TBC1D24: variants seen among roughly 807,000 people sequenced by gnomAD.
The protein encoded by TBC1D24 is Infantile myoclonic epilepsy.
Under a neutral mutation model 50.7 loss-of-function variants are expected in TBC1D24, and 47 were observed. That is an observed-to-expected ratio of 0.93 (90% CI 0.73 to 1.18). The LOEUF (loss-of-function observed/expected upper bound fraction) is 1.18. Among genes scored for constraint, TBC1D24 ranks in the 50% most tolerant of loss-of-function variants. The pLI is 0.00. For synonymous variants in TBC1D24, 324 were observed against 335.2 expected, an observed-to-expected ratio of 0.97 and a Z score of 0.36; for missense variants, 688 against 766.5, an observed-to-expected ratio of 0.90 and a Z score of 1.21.
At position 2,496,472 on chromosome 16, in the gene TBC1D24, A is replaced by C; in HGVS notation, c.324A>C (p.Ala108=). Residue 108 remains alanine (A), a synonymous_variant, in exon 2 of 8, where the codon GCA becomes GCC. Transcript: ENST00000646147. The part of the protein sequence containing the change: ...NTQVPSYCLN[A]RGEGAVRKIL... ...AGGTGCCCAGCTACTGCCTGAATGC[A>C]CGCGGCGAGGGGGCCGTGCGCAAGA... 1 of 1,611,374 alleles carries C rather than the reference A, an allele frequency of 6.2e-7. No homozygotes were observed. The highest frequency in any genetic ancestry group is 8.5e-7 in the Non-Finnish European group (1 of 1,179,912).
chr16:2,499,619 GC>G lies in TBC1D24; in HGVS notation c.1206+204del, dbSNP rs1407484387. 6.6e-6 allele frequency among the ~76,000 whole-genome samples: 1 copy of G among 152,056 alleles called. No homozygotes were observed. Among genetic ancestry groups the G allele is most frequent in the Non-Finnish European group, 1.5e-5 (1 of 67,982 alleles). ...GGGAAATGAGACTATCCCCAACACA[GC>G]CCCCGCCCACCCTCATTGCCAGCCC... On this transcript the variant is annotated intron_variant, in intron 5 of 7. Transcript: ENST00000646147. This position sits in a 1 kb window ranked among gnomAD's most constrained non-coding sequence, Gnocchi z 4.0.
chr16:2,488,476 T>C (rs2065668351), intron 1 of TBC1D24, among the ~76,000 whole-genome samples: 1 of 150,968 alleles, frequency 6.6e-6, no homozygotes, highest in Non-Finnish European at 1.5e-5. Context: ...TTATACTCAT[T>C]ACTCATTCGC....
At chr16:2,492,264 C>G (rs1022860764) in intron 1 of TBC1D24, among the ~76,000 whole-genome samples, 15 of 152,046 alleles carry the variant, frequency 9.9e-5, no homozygotes, top group Non-Finnish European at 2.2e-4. Flanking sequence ...TCCCTCGGGT[C>G]TTTTGCACAC....
chr16:2,497,163 G>A (rs1357373919), intron 2 of TBC1D24, 50 bp downstream of exon 2: 6 of 1,597,130 alleles, frequency 3.8e-6, no homozygotes, highest in East Asian at 2.2e-5. Flanking sequence ...GGGGGCTGGG[G>A]CAGGACGTGT....
rs990708317 is a variant in TBC1D24 at position 2,501,049 on chromosome 16, T to C, written c.*91T>C. On this transcript the variant is annotated 3_prime_UTR_variant, in exon 8 of 8. Coordinates refer to ENST00000646147, the MANE Select transcript of TBC1D24 (RefSeq NM_001199107.2). The stretch of plus-strand genomic sequence containing the variant: ...CAGCAGAGAGCAGATGAAACCCCCA[T>C]GTGGTAGGCAGGGTTGGGGGACGGC... 7.2e-6 allele frequency: 11 copies of C among 1,532,320 alleles called. No individual in the cohort carries two copies. Among genetic ancestry groups the C allele is most frequent in the African/African-American group, 1.4e-5 (1 of 73,636 alleles). The allele number at this position is 1,532,320 out of a possible 1,614,324, so 94.9% of individuals were successfully genotyped here. A position where few individuals can be genotyped will look rare whatever the true frequency, so the allele number is the denominator to read the frequency against.
rs1333624924 is a variant in TBC1D24, at chr16:2,500,489, C to T, written c.1524C>T (p.Val508=). The T allele has an allele frequency of 1.9e-6, 3 of 1,559,362 alleles. No individual in the cohort carries two copies. Among genetic ancestry groups the T allele is most frequent in the African/African-American group, 2.7e-5 (2 of 73,584 alleles). ...CGGGGGGCAGCGACTGCCTCATCGTCGGTGAGCGCCAGCAGACGGGGCTCT... is the reference window on the plus strand; with the variant it reads ...CGGGGGGCAGCGACTGCCTCATCGTTGGTGAGCGCCAGCAGACGGGGCTCT... ...FMAGGSDCLI[V]GGGGGQALYI... The change falls in exon 7 of 8, where the codon GTC becomes GTT. Residue 508 remains valine (V), a splice_region_variant and synonymous_variant. Transcript: ENST00000646147. This position sits in a 1 kb window ranked among gnomAD's most constrained non-coding sequence, Gnocchi z 8.0.
Position 2,499,478 on chromosome 16 carries a change from T to C in TBC1D24, c.1206+58T>C. The C allele has an allele frequency of 6.6e-7, 1 of 1,510,480 alleles. No homozygotes were observed. The highest frequency in any genetic ancestry group is 9.1e-7 in the Non-Finnish European group (1 of 1,094,156). 93.6% of individuals were successfully genotyped at this position (1,510,480 alleles called of 1,614,324 possible). ...TGATGGGCTCCAGGGCTGGCTCTGATGGGCTCCAGGGCTGGCTCTGATGGG... is the reference window on the plus strand; with the variant it reads ...TGATGGGCTCCAGGGCTGGCTCTGACGGGCTCCAGGGCTGGCTCTGATGGG... On this transcript the variant is annotated intron_variant, in intron 5 of 7. Transcript: ENST00000646147. The surrounding 1 kb of genome is among the most constrained non-coding windows in gnomAD (Gnocchi z 4.0).
At position 2,500,499 on chromosome 16, in the gene TBC1D24, C is replaced by T. The variant is rs181469890; in HGVS notation, c.1525+9C>T. ...CGACTGCCTCATCGTCGGTGAGCGC[C>T]AGCAGACGGGGCTCTGGGATGAGGG... On this transcript the variant is annotated intron_variant, in intron 7 of 7. Transcript: ENST00000646147. This position sits in a 1 kb window ranked among gnomAD's most constrained non-coding sequence, Gnocchi z 8.0. 4 of 1,552,614 alleles carry T rather than the reference C, an allele frequency of 2.6e-6. No homozygotes were observed. The highest frequency in any genetic ancestry group is 3.5e-6 in the Non-Finnish European group (4 of 1,149,664).
intron 1 of TBC1D24, among the ~76,000 whole-genome samples, chr16:2,476,313 T>C (rs903596295): frequency 1.3e-5 from 2 of 152,266 alleles, no homozygotes; most frequent in African/African-American, 4.8e-5. Context: ...GCCAGGGCTC[T>C]GTCTTCAGCA....
intron 1 of TBC1D24, among the ~76,000 whole-genome samples, chr16:2,492,953 G>A (rs989475599): frequency 1.7e-4 from 26 of 151,700 alleles, no homozygotes; most frequent in African/African-American, 5.3e-4. Flanking sequence ...TTAGCCGGGC[G>A]TGGTGGCACA....
rs1282904079 is a variant in TBC1D24 at position 2,485,280 on chromosome 16, G to A, written c.-116+10110G>A. 1 of 152,162 alleles carries A rather than the reference G, an allele frequency of 6.6e-6. No individual in the cohort carries two copies. The highest frequency in any genetic ancestry group is 2.4e-5 in the African/African-American group (1 of 41,416). 9.4% of individuals were successfully genotyped at this position (152,162 alleles called of 1,614,324 possible). On this transcript the variant is annotated intron_variant, in intron 1 of 7. Coordinates refer to ENST00000646147, the MANE Select transcript of TBC1D24 (RefSeq NM_001199107.2). This position sits in a 1 kb window ranked among gnomAD's most constrained non-coding sequence, Gnocchi z 4.6. ...TTTCAGCCCCACCCCCAACCGCGGG[G>A]AGGGGAGAGGTCCAGAGGTGGAAGG...
chr16:2,488,053 C>T (rs552469943), intron 1 of TBC1D24, among the ~76,000 whole-genome samples: 1 of 152,356 alleles, frequency 6.6e-6, no homozygotes, highest in South Asian at 2.1e-4. Flanking sequence ...GGATCTACTT[C>T]CTCCCACATC....
rs778641100 is a variant in TBC1D24 at position 2,499,949 on chromosome 16, C to A, written c.1302+19C>A. 1.9e-6 allele frequency: 3 copies of A among 1,607,610 alleles called. No homozygotes were observed. Among genetic ancestry groups the A allele is most frequent in the Non-Finnish European group, 8.5e-7 (1 of 1,174,192 alleles). On this transcript the variant is annotated intron_variant, in intron 6 of 7. Coordinates refer to ENST00000646147, the MANE Select transcript of TBC1D24 (RefSeq NM_001199107.2). The surrounding 1 kb of genome is among the most constrained non-coding windows in gnomAD (Gnocchi z 4.0). Reference sequence around the variant, plus strand: ...GTTTAGGGTGAGTGGGGCCAAGTGTCCCCAAACCCCCACGCAGACCCTGTA... The same window carrying A: ...GTTTAGGGTGAGTGGGGCCAAGTGTACCCAAACCCCCACGCAGACCCTGTA...
intron 3 of TBC1D24, 56 bp downstream of exon 3, chr16:2,497,783 C>T (rs1005335665): frequency 2.6e-6 from 4 of 1,510,480 alleles, no homozygotes; most frequent in Middle Eastern, 3.4e-4. Flanking sequence ...CAGGCTGACT[C>T]TAGGCCAGCT....
chr16:2,501,205 A>G lies in TBC1D24; in HGVS notation c.*247A>G, dbSNP rs948558901. ...GCCTGCTGTGCCCCCAGCCCCACCC[A>G]GAGCTGGCATAGGAAGTACCTTCCT... On this transcript the variant is annotated 3_prime_UTR_variant, in exon 8 of 8. Coordinates refer to ENST00000646147, the MANE Select transcript of TBC1D24 (RefSeq NM_001199107.2). 5.1e-6 allele frequency: 3 copies of G among 583,178 alleles called. No homozygotes were observed. Among genetic ancestry groups the G allele is most frequent in the Middle Eastern group, 4.6e-4 (1 of 2,170 alleles). 36.1% of individuals were successfully genotyped at this position (583,178 alleles called of 1,614,324 possible). A position where few individuals can be genotyped will look rare whatever the true frequency, so the allele number is the denominator to read the frequency against.
Position 2,486,803 on chromosome 16 carries a change from G to C in TBC1D24, c.-115-9231G>C, listed in dbSNP as rs908787814. ...GAGCTTCCCTGGGCTGGAATTCTCTGTTTGTCGCTCGCCCCCGCCTCCAGC... is the reference window on the plus strand; with the variant it reads ...GAGCTTCCCTGGGCTGGAATTCTCTCTTTGTCGCTCGCCCCCGCCTCCAGC... On this transcript the variant is annotated intron_variant, in intron 1 of 7. Transcript: ENST00000646147. This position sits in a 1 kb window ranked among gnomAD's most constrained non-coding sequence, Gnocchi z 5.8. Among the ~76,000 whole-genome samples the C allele has an allele frequency of 6.6e-6, 1 of 152,182 alleles. No homozygotes were observed. Among genetic ancestry groups the C allele is most frequent in the Non-Finnish European group, 1.5e-5 (1 of 68,036 alleles).
chr16:2,482,821 C>A lies in TBC1D24; in HGVS notation c.-116+7651C>A, dbSNP rs2065619774. On this transcript the variant is annotated intron_variant, in intron 1 of 7. Transcript: ENST00000646147. This position sits in a 1 kb window ranked among gnomAD's most constrained non-coding sequence, Gnocchi z 5.2. ...ACAGGCACGGGCGGTGGAGGAGCAG[C>A]CGCGGAGAGGTGAGGGGATGCCTGG... is the stretch of plus-strand genomic sequence containing the variant. Among the ~76,000 whole-genome samples the A allele has an allele frequency of 6.6e-6, 1 of 152,068 alleles. No homozygotes were observed. Among genetic ancestry groups the A allele is most frequent in the Non-Finnish European group, 1.5e-5 (1 of 67,992 alleles).
intron 1 of TBC1D24, 127 bp from the exon 2 acceptor site, chr16:2,495,907 C>T (rs2065732835): frequency 3.9e-6 from 2 of 512,474 alleles, no homozygotes; most frequent in Non-Finnish European, 6.9e-6. Flanking sequence ...CACCGCACTC[C>T]AACCTGGGCA....
chr16:2,496,872 C>T lies in TBC1D24; in HGVS notation c.724C>T (p.Arg242Cys), dbSNP rs398122965. ...FLVEGYKVLY[R>C]VALAILKFFH... ...GGTGGAGGGCTACAAGGTGCTGTAC[C>T]GCGTGGCGCTGGCCATCCTCAAGTT... is the stretch of plus-strand genomic sequence containing the variant. The change falls in exon 2 of 8, where the codon CGC becomes TGC. Residue 242 changes from arginine (R) to cysteine (C), a missense_variant. Transcript: ENST00000646147. 29 of 1,613,996 alleles carry T rather than the reference C, an allele frequency of 1.8e-5. No homozygotes were observed. Among genetic ancestry groups the T allele is most frequent in the Admixed American group, 8.3e-5 (5 of 60,008 alleles).
Sources: gnomAD v4.1 joint callset for allele counts (sites outside exome capture counted in the v4.1 genomes callset) on GRCh38, gnomAD v4.1.1 for gene constraint, Gnocchi (gnomAD v3.1) non-coding constraint, MANE v1.5 for transcripts, NCBI Gene and HGNC (gene_info 2026-07-23, HGNC 2026-07-21) for gene names.